The following AGPAT3 variants were observed in gnomAD, a reference collection of about 807,000 sequenced individuals.
AGPAT3 encodes the protein 1-acyl-sn-glycerol-3-phosphate acyltransferase gamma.
A neutral mutation model predicts 47.3 loss-of-function variants in AGPAT3; 5 were observed. That is an observed-to-expected ratio of 0.11 (90% CI 0.06 to 0.22). The LOEUF is 0.22. Among genes scored for constraint, AGPAT3 ranks in the 10% least tolerant of loss-of-function variants. AGPAT3 has a pLI of 1.00. For synonymous variants in AGPAT3, 212 were observed against 208.3 expected (o/e 1.02, Z -0.15); for missense variants, 315 against 493.0 (o/e 0.64, Z 3.42).
At chr21:43,977,474 G>A (rs979001941) in intron 7 of AGPAT3, among the ~76,000 whole-genome samples, 7 of 152,288 alleles carry the variant, frequency 4.6e-5, no homozygotes, top group South Asian at 4.1e-4. Flanking sequence ...TAATGCTGCC[G>A]CCACCCTGCA....
At chr21:43,942,838 C>T (rs2087710577) in intron 2 of AGPAT3, among the ~76,000 whole-genome samples, 1 of 152,196 alleles carries the variant, frequency 6.6e-6, no homozygotes, top group Non-Finnish European at 1.5e-5. Context: ...GCCATTGCCT[C>T]ATCTGGGCTC....
At chr21:43,890,363 A>G (rs2086076060) in intron 1 of AGPAT3, among the ~76,000 whole-genome samples, 1 of 152,198 alleles carries the variant, frequency 6.6e-6, no homozygotes, top group African/African-American at 2.4e-5. Flanking sequence ...CTTCTGAAAC[A>G]GGGTGGAGAA....
chr21:43,967,975 T>C lies in AGPAT3; in HGVS notation c.208T>C (p.Cys70Arg). The change falls in exon 4 of 10, where the codon TGC becomes CGC. Residue 70 changes from cysteine (C) to arginine (R), a missense_variant. Physicochemically the swap from Cys to Arg is radical, Grantham distance 180 (BLOSUM62 -3). Coordinates refer to ENST00000291572, the MANE Select transcript of AGPAT3 (RefSeq NM_020132.5). ...GGTCATGCTGCTGGAGTGGTGGTCC[T>C]GCACGGAGTGTACACTGTTCACGGA... ...QLVMLLEWWS[C>R]TECTLFTDQA... is the part of the protein sequence containing the mutation. The C allele has an allele frequency of 5.0e-6, 8 of 1,614,076 alleles. No individual in the cohort carries two copies. The highest frequency in any genetic ancestry group is 6.8e-6 in the Non-Finnish European group (8 of 1,180,006).
intron 2 of AGPAT3, among the ~76,000 whole-genome samples, chr21:43,937,046 A>G (rs988317384): frequency 2.0e-5 from 3 of 152,178 alleles, no homozygotes; most frequent in African/African-American, 7.2e-5. Context: ...CCATTCACGT[A>G]CTGTTCTGAA....
At chr21:43,926,557 C>T (rs2087058567) in intron 2 of AGPAT3, among the ~76,000 whole-genome samples, 1 of 151,490 alleles carries the variant, frequency 6.6e-6, no homozygotes, top group Non-Finnish European at 1.5e-5. Flanking sequence ...ACGGCGCGTT[C>T]CTGGGTTTCC....
Position 43,912,300 on chromosome 21 carries a change from G to A in AGPAT3, c.-49+8281G>A, listed in dbSNP as rs116124703. On this transcript the variant is annotated intron_variant, in intron 2 of 9. Coordinates refer to ENST00000291572, the MANE Select transcript of AGPAT3 (RefSeq NM_020132.5). ...AAAGGGTGGGGCACATGTGAGCCAC[G>A]TCTCCTTTTATCGTGGCCTTGTCTC... 5.3e-3 allele frequency among the ~76,000 whole-genome samples: 804 copies of A among 152,334 alleles called. 3 individuals carry two copies. The highest frequency in any genetic ancestry group is 0.018 in the African/African-American group (756 of 41,582).
intron 2 of AGPAT3, among the ~76,000 whole-genome samples, chr21:43,943,936 G>C (rs73371178): frequency 0.021 from 3,184 of 152,342 alleles, 127 homozygotes; most frequent in African/African-American, 0.069. Flanking sequence ...CACCTGGAGT[G>C]GAGGGGCAAG....
intron 2 of AGPAT3, among the ~76,000 whole-genome samples, chr21:43,911,444 G>A (rs1037346000): frequency 2.6e-5 from 4 of 152,250 alleles, no homozygotes; most frequent in Non-Finnish European, 5.9e-5. Context: ...CCAGGCCAAC[G>A]CAGCGAGGCC....
rs1326341848 is a variant in AGPAT3, at chr21:43,934,665, G to A, written c.-48-24969G>A. Among the ~76,000 whole-genome samples the A allele has an allele frequency of 6.6e-6, 1 of 152,168 alleles. No homozygotes were observed. The highest frequency in any genetic ancestry group is 6.5e-5 in the Admixed American group (1 of 15,284). On this transcript the variant is annotated intron_variant, in intron 2 of 9. Transcript: ENST00000291572. The surrounding 1 kb of genome is among the most constrained non-coding windows in gnomAD (Gnocchi z 4.7). ...CGGGCTCAAGCCCTGGTCGTGAGCA[G>A]GATGACATTCAGATAGCTGGGAGCA...
At chr21:43,929,457 C>T (rs1051345106) in intron 2 of AGPAT3, among the ~76,000 whole-genome samples, 15 of 152,210 alleles carry the variant, frequency 9.9e-5, no homozygotes, top group African/African-American at 3.1e-4. Context: ...AGGAGCCTTC[C>T]CACGGTGGGA....
chr21:43,980,550 G>C (rs2089810572), intron 8 of AGPAT3, among the ~76,000 whole-genome samples: 2 of 152,236 alleles, frequency 1.3e-5, no homozygotes. Flanking sequence ...CGAGGTTAAG[G>C]AACTTTCCTT....
At chr21:43,907,431 T>G (rs2086526578) in intron 2 of AGPAT3, among the ~76,000 whole-genome samples, 1 of 152,124 alleles carries the variant, frequency 6.6e-6, no homozygotes, top group South Asian at 2.1e-4. Context: ...CATAAAACTG[T>G]GCCATACCAG....
chr21:43,889,376 C>T (rs1375945443), intron 1 of AGPAT3, among the ~76,000 whole-genome samples: 1 of 150,828 alleles, frequency 6.6e-6, no homozygotes, highest in Non-Finnish European at 1.5e-5. Flanking sequence ...TGTTTTTAAT[C>T]ACAATCATGA....
intron 2 of AGPAT3, among the ~76,000 whole-genome samples, chr21:43,925,910 C>T (rs1230530758): frequency 1.3e-5 from 2 of 152,268 alleles, no homozygotes; most frequent in Admixed American, 1.3e-4. Context: ...CAGAGCTGGC[C>T]TCTCTGGTGT....
chr21:43,895,352 G>A (rs551883052), intron 1 of AGPAT3, among the ~76,000 whole-genome samples: 8 of 151,798 alleles, frequency 5.3e-5, no homozygotes, highest in Admixed American at 2.6e-4. Context: ...CAGGCAGTCC[G>A]CCCGCCTTGG....
chr21:43,970,870 A>G lies in AGPAT3; in HGVS notation c.664+64A>G. The G allele has an allele frequency of 7.9e-7, 1 of 1,268,286 alleles. No homozygotes were observed. The highest frequency in any genetic ancestry group is 1.0e-6 in the Non-Finnish European group (1 of 975,946). The allele number at this position is 1,268,286 out of a possible 1,614,324, so 78.6% of individuals were successfully genotyped here. On this transcript the variant is annotated intron_variant, in intron 6 of 9. Transcript: ENST00000291572. The surrounding 1 kb of genome is among the most constrained non-coding windows in gnomAD (Gnocchi z 5.8). ...CTCACGGAAAATAGTGATTTCTTTAAAAAAAAAAAAAATGAGTGCATTCCA... is the reference window on the plus strand; with the variant it reads ...CTCACGGAAAATAGTGATTTCTTTAGAAAAAAAAAAAATGAGTGCATTCCA...
rs987062748 is a variant in AGPAT3 at position 43,938,104 on chromosome 21, TCA to T, written c.-48-21519_-48-21518del. 1.2e-3 allele frequency among the ~76,000 whole-genome samples: 98 copies of T among 80,128 alleles called. 2 individuals are homozygous for T. In the Middle Eastern group the frequency reaches 0.019, roughly 15 times the overall value. The allele number at this position is 80,128 out of a possible 152,430, so 52.6% of individuals were successfully genotyped here. ...CCCACTTTCTCTCTCTCTCTCTCTC[TCA>T]CACACACACAGACACACACACACAC... On this transcript the variant is annotated intron_variant, in intron 2 of 9. Transcript: ENST00000291572.
At chr21:43,956,278 G>C (rs1259050750) in intron 2 of AGPAT3, among the ~76,000 whole-genome samples, 1 of 151,010 alleles carries the variant, frequency 6.6e-6, no homozygotes, top group African/African-American at 2.4e-5. Flanking sequence ...TGCCCACCCT[G>C]GGGGGGCTGC....
intron 2 of AGPAT3, among the ~76,000 whole-genome samples, chr21:43,926,520 C>G (rs1029114573): frequency 2.0e-5 from 3 of 151,900 alleles, no homozygotes; most frequent in Admixed American, 1.3e-4. Context: ...AGGGGCCACG[C>G]GTGCACGAGA....
Sources: allele counts gnomAD v4.1 joint callset (sites outside exome capture counted in the v4.1 genomes callset), GRCh38; gene constraint gnomAD v4.1.1; non-coding constraint Gnocchi (gnomAD v3.1); transcripts MANE v1.5; gene names NCBI Gene and HGNC (gene_info 2026-07-23, HGNC 2026-07-21).